ASS1: variants seen among roughly 807,000 people sequenced by gnomAD.
ASS1 encodes argininosuccinate synthase 1.
Under a neutral mutation model 60.5 loss-of-function variants are expected in ASS1, and 58 were observed. The observed-to-expected ratio is 0.96, with a 90% confidence interval of 0.78 to 1.19. The LOEUF (loss-of-function observed/expected upper bound fraction) is 1.19, where lower values mean the gene tolerates loss of function less well. Ranked by LOEUF, ASS1 falls within the 50% of genes most tolerant of loss-of-function variation. The pLI is 0.00. For synonymous variants in ASS1, 200 were observed against 206.9 expected (o/e 0.97, Z 0.29); for missense variants, 454 against 547.3 (o/e 0.83, Z 1.70).
At chr9:130,500,165 G>C (rs1367255643) in intron 14 of ASS1, among the ~76,000 whole-genome samples, 1 of 152,190 alleles carries the variant, frequency 6.6e-6, no homozygotes, top group East Asian at 1.9e-4. Context: ...TGCAGGAAGA[G>C]CCAGGGGCAG....
chr9:130,450,899 C>T (rs1452997324), intron 1 of ASS1, among the ~76,000 whole-genome samples: 5 of 152,218 alleles, frequency 3.3e-5, no homozygotes, highest in South Asian at 4.1e-4. Context: ...CCAGTGGAAA[C>T]GTTCCCAGGC....
chr9:130,501,120 C>A lies in ASS1; in HGVS notation c.*99C>A. The A allele has an allele frequency of 7.2e-7, 1 of 1,390,534 alleles. No individual in the cohort carries two copies. Among genetic ancestry groups the A allele is most frequent in the Non-Finnish European group, 1.0e-6 (1 of 992,666 alleles). The allele number at this position is 1,390,534 out of a possible 1,614,324, so 86.1% of individuals were successfully genotyped here. A position where few individuals can be genotyped will look rare whatever the true frequency, so the allele number is the denominator to read the frequency against. ...AATTTGTAATTGTGACTTGTTCTCC[C>A]CGGCTGGCAGCGTAGTGGGGCTGCC... On this transcript the variant is annotated 3_prime_UTR_variant, in exon 15 of 15. Transcript: ENST00000352480.
intron 6 of ASS1, among the ~76,000 whole-genome samples, chr9:130,467,240 G>A (rs1201409564): frequency 1.3e-5 from 2 of 152,264 alleles, no homozygotes; most frequent in East Asian, 1.9e-4. Context: ...TGCCCCTAGC[G>A]CTTTCCCCGG....
chr9:130,465,456 T>C (rs1192479964), intron 5 of ASS1, among the ~76,000 whole-genome samples: 1 of 152,262 alleles, frequency 6.6e-6, no homozygotes, highest in Non-Finnish European at 1.5e-5. Context: ...ATGTTTACAT[T>C]CTTTTTTCTT....
Position 130,492,779 on chromosome 9 carries a change from G to A in ASS1, c.971-2088G>A, listed in dbSNP as rs143884066. 2.6e-5 allele frequency among the ~76,000 whole-genome samples: 4 copies of A among 152,338 alleles called. No homozygotes were observed. The East Asian group carries it at 7.7e-4, about 29-fold the overall frequency. ...TTTGGCTGGGCCTAGCAGCACGGGG[G>A]AGGGGTCCCTCTCCAGCTCAGCCCT... On this transcript the variant is annotated intron_variant, in intron 12 of 14. Transcript: ENST00000352480.
chr9:130,468,273 G>A (rs2131884028), intron 6 of ASS1, among the ~76,000 whole-genome samples: 1 of 152,286 alleles, frequency 6.6e-6, no homozygotes, highest in African/African-American at 2.4e-5. Context: ...CTTTCAAGAC[G>A]CTTCGGTAGC....
chr9:130,487,649 A>C (rs1280694709), intron 11 of ASS1, among the ~76,000 whole-genome samples: 1 of 151,932 alleles, frequency 6.6e-6, no homozygotes, highest in Non-Finnish European at 1.5e-5. Context: ...TGATGACTCG[A>C]GGGACCTCGC....
At position 130,476,873 on chromosome 9, in the gene ASS1, C is replaced by T. The variant is rs750874679; in HGVS notation, c.600C>T (p.Asn200=). 1 of 1,613,732 alleles carries T rather than the reference C, an allele frequency of 6.2e-7. No individual in the cohort carries two copies. The highest frequency in any genetic ancestry group is 1.1e-5 in the South Asian group (1 of 91,070). Residue 200 remains asparagine, a splice_region_variant and synonymous_variant, in exon 9 of 15, where the codon AAC becomes AAT. Coordinates refer to ENST00000352480, the MANE Select transcript of ASS1 (RefSeq NM_054012.4). This position sits in a 1 kb window ranked among gnomAD's most constrained non-coding sequence, Gnocchi z 4.9. ...CACCACTTTCTGTCTTTTTTCAGAA[C>T]CAAGCGCCTCCAGGTCTCTACACGA... ...YEAGILENPK[N]QAPPGLYTKT... is the part of the protein sequence containing the mutation.
intron 4 of ASS1, among the ~76,000 whole-genome samples, chr9:130,461,731 G>A (rs540767811): frequency 1.5e-4 from 23 of 152,320 alleles, no homozygotes; most frequent in African/African-American, 4.3e-4. Flanking sequence ...GGCTGGGAGC[G>A]AGGGGAATCC....
intron 13 of ASS1, among the ~76,000 whole-genome samples, chr9:130,495,474 C>T (rs1030452136): frequency 5.8e-5 from 8 of 138,460 alleles, no homozygotes; most frequent in East Asian, 2.0e-4. Context: ...CATACATATA[C>T]ACACACACAC....
At position 130,458,483 on chromosome 9, in the gene ASS1, G is replaced by A. The variant is rs575001023; in HGVS notation, c.257G>A (p.Arg86His). 11 of 1,612,430 alleles carry A rather than the reference G, an allele frequency of 6.8e-6. No individual in the cohort carries two copies. Among genetic ancestry groups the A allele is most frequent in the East Asian group, 4.5e-5 (2 of 44,870 alleles). Residue 86 changes from arginine (R) to histidine (H), a missense_variant, in exon 4 of 15, where the codon CGC becomes CAC. By Grantham distance (29) the Arg-to-His change is conservative. Transcript: ENST00000352480. ...CAGTCCAGCGCACTGTATGAGGACC[G>A]CTACCTCCTGGGCACCTCTCTTGCC... is the stretch of plus-strand genomic sequence containing the variant. ...AIQSSALYED[R>H]YLLGTSLARP...
rs759087602 is a variant in ASS1, at chr9:130,491,360, G to A, written c.970+1896G>A. On this transcript the variant is annotated intron_variant, in intron 12 of 14. Transcript: ENST00000352480. The surrounding 1 kb of genome is among the most constrained non-coding windows in gnomAD (Gnocchi z 5.3). The stretch of plus-strand genomic sequence containing the variant: ...GGCCTCCACGGAGGCTGATCCCACC[G>A]TGGCCGCGGCCACGGCTGCCACTTA... 7.4e-4 allele frequency among the ~76,000 whole-genome samples: 112 copies of A among 152,270 alleles called. No homozygotes were observed. The highest frequency in any genetic ancestry group is 1.4e-3 in the Non-Finnish European group (92 of 68,016).
Position 130,480,367 on chromosome 9 carries a change from G to T in ASS1, c.774-18G>T. 6.2e-7 allele frequency: 1 copy of T among 1,614,156 alleles called. No homozygotes were observed. Among genetic ancestry groups the T allele is most frequent in the Non-Finnish European group, 8.5e-7 (1 of 1,180,010 alleles). On this transcript the variant is annotated intron_variant, in intron 10 of 14. Coordinates refer to ENST00000352480, the MANE Select transcript of ASS1 (RefSeq NM_054012.4). ...CTTGCGGTAGCGCCCGAACCTAATG[G>T]ACCAGTTCTTCCCACAGGGGCAAGC...
intron 12 of ASS1, among the ~76,000 whole-genome samples, chr9:130,490,095 G>A (rs1039303329): frequency 9.2e-5 from 14 of 152,200 alleles, no homozygotes; most frequent in African/African-American, 1.2e-4. Context: ...TGGAAGGACC[G>A]GTGGGTGACA....
At chr9:130,469,151 C>T (rs76961522) in intron 6 of ASS1, among the ~76,000 whole-genome samples, 114 of 152,286 alleles carry the variant, frequency 7.5e-4, no homozygotes, top group African/African-American at 2.6e-3. Context: ...GAGTGAGGAG[C>T]GAGGACGGAG....
In ASS1 at chr9:130,489,806, A is replaced by G. The variant is rs1846405738; in HGVS notation, c.970+342A>G. On this transcript the variant is annotated intron_variant, in intron 12 of 14. Transcript: ENST00000352480. This position sits in a 1 kb window ranked among gnomAD's most constrained non-coding sequence, Gnocchi z 4.1. ...TGTGCGGCGACATGCATCACCCCGC[A>G]TGGTCCTCACAACTTTCCCAGGAGG... Among the ~76,000 whole-genome samples the G allele has an allele frequency of 6.6e-6, 1 of 152,204 alleles. No individual in the cohort carries two copies. The highest frequency in any genetic ancestry group is 1.5e-5 in the Non-Finnish European group (1 of 68,028).
At chr9:130,499,866 A>G (rs1236245416) in intron 14 of ASS1, among the ~76,000 whole-genome samples, 1 of 152,160 alleles carries the variant, frequency 6.6e-6, no homozygotes, top group Admixed American at 6.5e-5. Context: ...CAGGGACTCC[A>G]CTATGAGCTC....
At position 130,494,817 on chromosome 9, in the gene ASS1, C is replaced by A. The variant is rs754467807; in HGVS notation, c.971-50C>A. The A allele has an allele frequency of 8.1e-6, 13 of 1,609,082 alleles. No individual in the cohort carries two copies. The highest frequency in any genetic ancestry group is 1.1e-5 in the Non-Finnish European group (13 of 1,176,532). ...CCTGTGCCCCAGGTCTCCCTGTGTC[C>A]TCGCGGTGCAGGAGGCCTCCCTAGT... On this transcript the variant is annotated intron_variant, in intron 12 of 14. Coordinates refer to ENST00000352480, the MANE Select transcript of ASS1 (RefSeq NM_054012.4). The surrounding 1 kb of genome is among the most constrained non-coding windows in gnomAD (Gnocchi z 4.3).
At chr9:130,447,079 G>C (rs1178940953) in intron 1 of ASS1, among the ~76,000 whole-genome samples, 1 of 152,230 alleles carries the variant, frequency 6.6e-6, no homozygotes, top group Non-Finnish European at 1.5e-5. Flanking sequence ...AATCTTCCAC[G>C]GGGCAGTAGG....
Sources: gnomAD v4.1 joint callset for allele counts (sites outside exome capture counted in the v4.1 genomes callset) on GRCh38, gnomAD v4.1.1 for gene constraint, Gnocchi (gnomAD v3.1) non-coding constraint, MANE v1.5 for transcripts, NCBI Gene and HGNC (gene_info 2026-07-23, HGNC 2026-07-21) for gene names.